The following ACOT9 variants were observed in gnomAD, a reference collection of about 807,000 sequenced individuals.
ACOT9 encodes acyl-coenzyme A thioesterase 9, mitochondrial.
ACOT9 carries 34 observed loss-of-function variants against 39.7 expected under a neutral mutation model. The ratio of observed to expected loss-of-function variants is 0.86; its 90% CI spans 0.65 to 1.14. The LOEUF (loss-of-function observed/expected upper bound fraction) is 1.14, where lower values mean the gene tolerates loss of function less well. ACOT9 is among the 50% of genes most tolerant of loss of function. ACOT9 has a pLI of 0.00. For synonymous variants in ACOT9, 110 were observed against 120.5 expected (o/e 0.91, Z 0.57); for missense variants, 313 against 344.1 (o/e 0.91, Z 0.71).
At position 23,743,265 on chromosome X, in the gene ACOT9, G is replaced by C. The variant is rs980892657; in HGVS notation, c.-121C>G. ...CGCGCCCTTGCTGAGGACAGCCCGG[G>C]AGCCGGACAGCGGTGTCCGGGGGCG... is the stretch of plus-strand genomic sequence containing the variant. On this transcript the variant is annotated 5_prime_UTR_variant, in exon 1 of 16. Transcript: ENST00000379303. The C allele has an allele frequency of 1.6e-5, 15 of 924,331 alleles. No homozygotes were observed. In the African/African-American group the frequency reaches 2.8e-4, roughly 17 times the overall value. The allele number at this position is 924,331 out of a possible 1,213,427, so 76.2% of individuals were successfully genotyped here. A position where few individuals can be genotyped will look rare whatever the true frequency, so the allele number is the denominator to read the frequency against.
rs1364721244 is a variant in ACOT9, at chrX:23,701,371, A to T, written c.*2523T>A. 1.8e-5 allele frequency among the ~76,000 whole-genome samples: 2 copies of T among 111,765 alleles called. No individual in the cohort carries two copies. Among genetic ancestry groups the T allele is most frequent in the African/African-American group, 6.5e-5 (2 of 30,767 alleles). On this transcript the variant is annotated 3_prime_UTR_variant, in exon 16 of 16. Transcript: ENST00000379303. ...TATAGTACAGCACATGCTTGATTCCATGAGTCAAACTGCATGCTTCCAAGA... is the reference window on the plus strand; with the variant it reads ...TATAGTACAGCACATGCTTGATTCCTTGAGTCAAACTGCATGCTTCCAAGA...
intron 9 of ACOT9, among the ~76,000 whole-genome samples, chrX:23,708,538 G>GAA (rs567506307): frequency 8.6e-4 from 61 of 70,830 alleles, no homozygotes; most frequent in Middle Eastern, 0.015. Context: ...CTCAAAAAAA[G>GAA]AAAAAAAAAA....
intron 1 of ACOT9, 89 bp from the exon 2 acceptor site, chrX:23,736,105 A>T: frequency 5.7e-6 from 4 of 696,922 alleles, no homozygotes; most frequent in Non-Finnish European, 8.7e-6. Context: ...GTATCTGGCC[A>T]TATCACCCTT....
chrX:23,720,085 G>C (rs779634747), intron 8 of ACOT9, among the ~76,000 whole-genome samples: 3 of 112,418 alleles, frequency 2.7e-5, no homozygotes, highest in Non-Finnish European at 5.6e-5. Flanking sequence ...TGCCCGCCTT[G>C]GCCTCCCAAA....
At chrX:23,737,111 G>A (rs777047471) in intron 1 of ACOT9, among the ~76,000 whole-genome samples, 133 of 110,614 alleles carry the variant, frequency 1.2e-3, no homozygotes, top group Non-Finnish European at 1.6e-3. Context: ...TCAGGAGTTC[G>A]AGACCAGCCT....
At chrX:23,713,335 T>C in intron 8 of ACOT9, 127 bp from the exon 9 acceptor site, 1 of 503,102 alleles carries the variant, frequency 2.0e-6, no homozygotes, top group Non-Finnish European at 3.3e-6. Flanking sequence ...CCCAGCACTT[T>C]GAGAGGCCAA....
chrX:23,735,637 T>C (rs1252953831), intron 2 of ACOT9, among the ~76,000 whole-genome samples: 1 of 111,107 alleles, frequency 9.0e-6, no homozygotes. Context: ...TCTCTTTTTT[T>C]CCATGCCTTC....
chrX:23,712,981 G>T, intron 9 of ACOT9, 154 bp downstream of exon 9: 1 of 441,181 alleles, frequency 2.3e-6, no homozygotes, highest in Non-Finnish European at 3.9e-6. Context: ...TGTCATGTCT[G>T]GGATTTGCCT....
At chrX:23,728,211 G>A (rs1298089412) in intron 6 of ACOT9, among the ~76,000 whole-genome samples, 1 of 110,982 alleles carries the variant, frequency 9.0e-6, no homozygotes, top group Admixed American at 9.7e-5. Context: ...ATCATTAGGT[G>A]GGAGCAAGTA....
intron 4 of ACOT9, among the ~76,000 whole-genome samples, chrX:23,732,556 A>G (rs1325511563): frequency 2.7e-5 from 3 of 112,148 alleles, no homozygotes; most frequent in African/African-American, 9.7e-5. Flanking sequence ...CATATAAAGA[A>G]TTTAAAAATA....
intron 8 of ACOT9, among the ~76,000 whole-genome samples, chrX:23,719,788 C>T (rs1230950851): frequency 9.0e-6 from 1 of 111,266 alleles, no homozygotes; most frequent in Non-Finnish European, 1.9e-5. Context: ...GCCCATGGCC[C>T]GGGGGTTGGG....
chrX:23,709,392 T>C lies in ACOT9; in HGVS notation c.663-1448A>G, dbSNP rs772165225. 7.6e-4 allele frequency among the ~76,000 whole-genome samples: 85 copies of C among 111,790 alleles called. 1 individual carries two copies. The highest frequency in any genetic ancestry group is 2.7e-3 in the African/African-American group (83 of 30,841). On this transcript the variant is annotated intron_variant, in intron 9 of 15. Transcript: ENST00000379303. ...TGGGTGACAAGAGCCAACCTCTGTC[T>C]TGAAAACAAAAAACAAAAGAATTGA...
intron 14 of ACOT9, 42 bp downstream of exon 14, chrX:23,704,951 T>A (rs1342000590): frequency 3.4e-6 from 4 of 1,176,835 alleles, no homozygotes; most frequent in Non-Finnish European, 4.6e-6. Flanking sequence ...TAGGCTCAAA[T>A]GAAAAAAAAA....
chrX:23,732,502 C>T (rs935979942), intron 4 of ACOT9, among the ~76,000 whole-genome samples: 1 of 111,843 alleles, frequency 8.9e-6, no homozygotes, highest in Admixed American at 9.6e-5. Flanking sequence ...GTGGTGGGTA[C>T]ACAGGTATTC....
At chrX:23,704,432 G>C (rs1426449689) in intron 15 of ACOT9, among the ~76,000 whole-genome samples, 1 of 105,180 alleles carries the variant, frequency 9.5e-6, no homozygotes, top group African/African-American at 3.5e-5. Context: ...TGCCCGTCTC[G>C]GCCTCCCAAA....
Position 23,702,285 on chromosome X carries a change from G to A in ACOT9, c.*1609C>T, listed in dbSNP as rs1456548393. Reference sequence around the variant, plus strand: ...TTTTTTTTTTTTGAGATGGAGTCTCGTTCTGTCACCCAGGCTGGAGTGCAG... The same window carrying A: ...TTTTTTTTTTTTGAGATGGAGTCTCATTCTGTCACCCAGGCTGGAGTGCAG... On this transcript the variant is annotated 3_prime_UTR_variant, in exon 16 of 16. Coordinates refer to ENST00000379303, the MANE Select transcript of ACOT9 (RefSeq NM_001037171.2). The A allele has an allele frequency of 1.2e-5, 1 of 81,493 alleles. No individual in the cohort carries two copies. The highest frequency in any genetic ancestry group is 1.6e-4 in the Admixed American group (1 of 6,127). 6.7% of individuals were successfully genotyped at this position (81,493 alleles called of 1,213,427 possible).
At chrX:23,736,622 C>A (rs1317957331) in intron 1 of ACOT9, among the ~76,000 whole-genome samples, 6 of 110,926 alleles carry the variant, frequency 5.4e-5, no homozygotes, top group Admixed American at 3.9e-4. Context: ...AGTTCAAGAC[C>A]AGCCTGGGCA....
Position 23,730,981 on chromosome X carries a change from T to C in ACOT9, c.197A>G (p.His66Arg), listed in dbSNP as rs1929719270. The change falls in exon 5 of 16, where the codon CAT (histidine) becomes CGT (arginine). Residue 66 changes from histidine to arginine, a missense_variant. Transcript: ENST00000379303. The part of the protein sequence containing the change: ...IVGASTNWRD[H>R]VKAMEERKLL... ...TTTCCTTTCTTCCATTGCCTTCACA[T>C]GGTCTCTGAGAAGAAAGGATGCAGG... The C allele has an allele frequency of 8.3e-7, 1 of 1,207,541 alleles. No individual in the cohort carries two copies. Among genetic ancestry groups the C allele is most frequent in the Non-Finnish European group, 1.1e-6 (1 of 893,220 alleles).
chrX:23,716,392 C>G (rs1474210161), intron 8 of ACOT9, among the ~76,000 whole-genome samples: 1 of 111,953 alleles, frequency 8.9e-6, no homozygotes, highest in African/African-American at 3.2e-5. Flanking sequence ...GTTGAACATT[C>G]CAAACCCAAT....
Sources: gnomAD v4.1 joint callset for allele counts (sites outside exome capture counted in the v4.1 genomes callset) on GRCh38, gnomAD v4.1.1 for gene constraint, MANE v1.5 for transcripts, NCBI Gene and HGNC (gene_info 2026-07-23, HGNC 2026-07-21) for gene names.